Variants in TSPAN2 observed in about 807,000 individuals in gnomAD.
TSPAN2 encodes tetraspanin-2.
A neutral mutation model predicts 33.3 loss-of-function variants in TSPAN2; 24 were observed. The ratio of observed to expected loss-of-function variants is 0.72; its 90% CI spans 0.52 to 1.01. TSPAN2 has a LOEUF of 1.01. Ranked by LOEUF, TSPAN2 falls within the 50% of genes least tolerant of loss-of-function variation. The probability of loss-of-function intolerance (pLI) is 0.00; values close to 1 mark genes in which losing one functional copy is unlikely to be tolerated. For missense variants in TSPAN2, 278 were observed against 281.3 expected (o/e 0.99, Z 0.08); for synonymous variants, 114 against 104.5 (o/e 1.09, Z -0.56).
At chr1:115,067,820 C>T (rs897816590) in intron 2 of TSPAN2, among the ~76,000 whole-genome samples, 7 of 152,182 alleles carry the variant, frequency 4.6e-5, no homozygotes, top group Admixed American at 3.9e-4. Flanking sequence ...GCACCAAGCA[C>T]ACAGTCTCTC....
At position 115,072,917 on chromosome 1, in the gene TSPAN2, A is replaced by G; in HGVS notation, c.160T>C (p.Tyr54His). 2 of 1,613,140 alleles carry G rather than the reference A, an allele frequency of 1.2e-6. No individual in the cohort carries two copies. The highest frequency in any genetic ancestry group is 2.2e-5 in the East Asian group (1 of 44,858). ...TGGAGTCACTCACCCACATAGAAATACTCTGGGGACTTGTCCTCTGATGAT... is the reference window on the plus strand; with the variant it reads ...TGGAGTCACTCACCCACATAGAAATGCTCTGGGGACTTGTCCTCTGATGAT... ...ELSSEDKSPE[Y>H]FYVGLYVLVG... is the part of the protein sequence containing the mutation. Residue 54 changes from tyrosine (Y) to histidine (H), a missense_variant, in exon 2 of 8, where the codon TAT (tyrosine) becomes CAT (histidine). Transcript: ENST00000369516.
chr1:115,062,101 C>G (rs998416215), intron 3 of TSPAN2, 34 bp downstream of exon 3: 34 of 1,484,220 alleles, frequency 2.3e-5, no homozygotes, highest in Non-Finnish European at 2.9e-5. Flanking sequence ...CTCCCTCACC[C>G]CCACCCCACC....
intron 3 of TSPAN2, among the ~76,000 whole-genome samples, chr1:115,061,443 G>T (rs1022773944): frequency 6.6e-6 from 1 of 152,154 alleles, no homozygotes; most frequent in Non-Finnish European, 1.5e-5. Flanking sequence ...AGGGATTTTG[G>T]TTAAGTTATT....
chr1:115,048,135 G>A lies in TSPAN2; in HGVS notation c.*2355C>T, dbSNP rs1477231598. ...TGGGTCTAATCTCAAATTAGTTCAG[G>A]GGAACAGAAATAGCTGAAAATTTAT... On this transcript the variant is annotated 3_prime_UTR_variant, in exon 8 of 8. Transcript: ENST00000369516. The A allele has an allele frequency of 2.0e-5, 3 of 150,544 alleles. No individual in the cohort carries two copies. The highest frequency in any genetic ancestry group is 1.5e-5 in the Non-Finnish European group (1 of 67,598). The allele number at this position is 150,544 out of a possible 1,614,324, so 9.3% of individuals were successfully genotyped here.
At chr1:115,070,374 C>CTTTTTTTTTTTTTTTT (rs35027846) in intron 2 of TSPAN2, among the ~76,000 whole-genome samples, 1 of 139,330 alleles carries the variant, frequency 7.2e-6, no homozygotes. Flanking sequence ...CAATAATCTG[C>CTTTTTTTTTTTTTTTT]TTTTTTTTTT....
rs781267846 is a variant in TSPAN2 at position 115,057,607 on chromosome 1, A to C, written c.446T>G (p.Phe149Cys). 1 of 1,614,062 alleles carries C rather than the reference A, an allele frequency of 6.2e-7. No homozygotes were observed. Among genetic ancestry groups the C allele is most frequent in the Non-Finnish European group, 8.5e-7 (1 of 1,179,956 alleles). ...NGTLITFHST[F>C]QCCGKESSEQ... Reference sequence around the variant, plus strand: ...GGAGCTTTCTTTTCCACAGCACTGAAACTAGAGAGTCAGAAAAGAGACTTC... The same window carrying C: ...GGAGCTTTCTTTTCCACAGCACTGACACTAGAGAGTCAGAAAAGAGACTTC... Residue 149 changes from phenylalanine (F) to cysteine (C), a missense_variant and splice_region_variant, in exon 6 of 8, where the codon TTT becomes TGT. Physicochemically the swap from Phe to Cys is radical, Grantham distance 205 (BLOSUM62 -2). Coordinates refer to ENST00000369516, the MANE Select transcript of TSPAN2 (RefSeq NM_005725.6).
intron 3 of TSPAN2, among the ~76,000 whole-genome samples, 185 bp downstream of exon 3, chr1:115,061,950 G>A (rs1438513556): frequency 2.0e-5 from 3 of 152,136 alleles, no homozygotes; most frequent in Admixed American, 6.5e-5. Flanking sequence ...CATGGCACCC[G>A]GCCCTAGTTA....
chr1:115,085,829 C>G (rs1339675356), intron 1 of TSPAN2, among the ~76,000 whole-genome samples: 1 of 152,078 alleles, frequency 6.6e-6, no homozygotes, highest in African/African-American at 2.4e-5. Context: ...CCACCCCCAC[C>G]CCCCATGAAA....
At chr1:115,054,345 T>G (rs952328981) in intron 6 of TSPAN2, among the ~76,000 whole-genome samples, 1 of 152,190 alleles carries the variant, frequency 6.6e-6, no homozygotes, top group Non-Finnish European at 1.5e-5. Flanking sequence ...AAACATTTCT[T>G]GAGCATCTAC....
chr1:115,054,412 C>T (rs550545992), intron 6 of TSPAN2, among the ~76,000 whole-genome samples: 6 of 152,296 alleles, frequency 3.9e-5, no homozygotes, highest in South Asian at 4.1e-4. Flanking sequence ...GATATGGTTT[C>T]TCCTGCTTTC....
At chr1:115,058,740 T>C (rs949842301) in intron 5 of TSPAN2, 143 bp downstream of exon 5, 3 of 714,646 alleles carry the variant, frequency 4.2e-6, no homozygotes, top group Non-Finnish European at 7.5e-6. Context: ...ATGCAAACTG[T>C]GGCCCTCAAA....
intron 6 of TSPAN2, among the ~76,000 whole-genome samples, 184 bp downstream of exon 6, chr1:115,057,353 C>A (rs977890688): frequency 4.6e-5 from 7 of 152,184 alleles, no homozygotes; most frequent in African/African-American, 1.7e-4. Context: ...TTGCTAACAA[C>A]AAGGACAGCA....
rs999658285 is a variant in TSPAN2, at chr1:115,082,418, C to T, written c.69+6946G>A. Among the ~76,000 whole-genome samples the T allele has an allele frequency of 2.3e-4, 35 of 152,298 alleles. 1 individual carries two copies. The highest frequency in any genetic ancestry group is 1.6e-3 in the Admixed American group (24 of 15,300). On this transcript the variant is annotated intron_variant, in intron 1 of 7. Transcript: ENST00000369516. Reference sequence around the variant, plus strand: ...TCAATGCTTCAGACCTCTGTTTTCTCATATGTAAACTGGGGATGATAACTG... The same window carrying T: ...TCAATGCTTCAGACCTCTGTTTTCTTATATGTAAACTGGGGATGATAACTG...
intron 5 of TSPAN2, 39 bp downstream of exon 5, chr1:115,058,844 T>C (rs1281255563): frequency 6.7e-7 from 1 of 1,491,484 alleles, no homozygotes; most frequent in Non-Finnish European, 9.4e-7. Flanking sequence ...ACATAATCTT[T>C]AGAAGCTGTG....
intron 2 of TSPAN2, among the ~76,000 whole-genome samples, chr1:115,071,543 T>G (rs1648177378): frequency 1.3e-5 from 2 of 152,316 alleles, no homozygotes; most frequent in South Asian, 4.1e-4. Flanking sequence ...ATTTCATCAC[T>G]GTTGAGATGA....
chr1:115,080,123 G>A (rs1419734594), intron 1 of TSPAN2, among the ~76,000 whole-genome samples: 3 of 152,178 alleles, frequency 2.0e-5, no homozygotes, highest in Admixed American at 2.0e-4. Flanking sequence ...TGAAAAGCTT[G>A]CTGCAAATGA....
intron 2 of TSPAN2, among the ~76,000 whole-genome samples, chr1:115,068,552 A>T (rs953826231): frequency 1.9e-4 from 29 of 152,190 alleles, no homozygotes; most frequent in African/African-American, 4.8e-5. Flanking sequence ...GGGCTGATTT[A>T]TCTGGAACCT....
At chr1:115,059,073 T>A in intron 4 of TSPAN2, 92 bp from the exon 5 acceptor site, 1 of 922,906 alleles carries the variant, frequency 1.1e-6, no homozygotes, top group Non-Finnish European at 1.7e-6. Context: ...TCCACACCTT[T>A]GAAAAACACT....
At chr1:115,089,254 C>T in intron 1 of TSPAN2, 110 bp downstream of exon 1, 1 of 911,724 alleles carries the variant, frequency 1.1e-6, no homozygotes. Flanking sequence ...AGCACCCAGC[C>T]CTCCCCACGA....
Sources: gnomAD v4.1 joint callset for allele counts (sites outside exome capture counted in the v4.1 genomes callset) on GRCh38, gnomAD v4.1.1 for gene constraint, MANE v1.5 for transcripts, NCBI Gene and HGNC (gene_info 2026-07-23, HGNC 2026-07-21) for gene names.